SKIC2: variants seen among roughly 807,000 people sequenced by gnomAD.
SKIC2 encodes the protein SKI2 subunit of superkiller complex, also known as superkiller complex protein 2.
chr6:31,967,847 C>G, the SKIC2 span: 5 of 1,612,950 alleles, frequency 3.1e-6, no homozygotes, highest in Non-Finnish European at 3.4e-6. This position sits in a 1 kb window ranked among gnomAD's most constrained non-coding sequence, Gnocchi z 4.9. Context: ...GGGATTCAAG[C>G]TGTTCCTGCC....
At chr6:31,959,617 C>T in the SKIC2 span, 1 of 559,738 alleles carries the variant, frequency 1.8e-6, no homozygotes, top group East Asian at 3.0e-5. Context: ...GAGAGCTGCT[C>T]TTTCAAATGT....
the SKIC2 span, chr6:31,960,748 G>A: frequency 6.5e-7 from 1 of 1,546,032 alleles, no homozygotes; most frequent in Non-Finnish European, 8.7e-7. Flanking sequence ...AAGGTAAGGT[G>A]GGGCTCTGAG....
At chr6:31,969,090 G>A in the SKIC2 span, 2 of 1,609,614 alleles carry the variant, frequency 1.2e-6, no homozygotes, top group South Asian at 1.1e-5. The surrounding 1 kb of genome is among the most constrained non-coding windows in gnomAD (Gnocchi z 6.1). Flanking sequence ...CCTCAAGCAG[G>A]TAGGGGACAC....
chr6:31,963,382 C>T, the SKIC2 span: 1 of 1,519,938 alleles, frequency 6.6e-7, no homozygotes, highest in Non-Finnish European at 8.8e-7. This position sits in a 1 kb window ranked among gnomAD's most constrained non-coding sequence, Gnocchi z 5.3. Context: ...CACGTTCCCA[C>T]CCCTGACCTG....
the SKIC2 span, chr6:31,968,543 G>A: frequency 6.2e-7 from 1 of 1,608,704 alleles, no homozygotes; most frequent in Non-Finnish European, 8.5e-7. This position sits in a 1 kb window ranked among gnomAD's most constrained non-coding sequence, Gnocchi z 6.1. Flanking sequence ...GCCCAGGTAG[G>A]ACCCTGGGTG....
At chr6:31,968,206 C>T in the SKIC2 span, 1 of 1,465,872 alleles carries the variant, frequency 6.8e-7, no homozygotes, top group Non-Finnish European at 9.4e-7. The surrounding 1 kb of genome is among the most constrained non-coding windows in gnomAD (Gnocchi z 6.1). Flanking sequence ...AGTGAGGGGG[C>T]TCCCCCAGCC....
At chr6:31,960,403 C>T in the SKIC2 span, 1 of 1,597,298 alleles carries the variant, frequency 6.3e-7, no homozygotes, top group East Asian at 2.2e-5. Context: ...CAAGCTCAGC[C>T]TCATTGGGGC....
the SKIC2 span, among the ~76,000 whole-genome samples, chr6:31,964,853 C>CT: frequency 6.6e-6 from 1 of 152,200 alleles, no homozygotes; most frequent in Non-Finnish European, 1.5e-5. The surrounding 1 kb of genome is among the most constrained non-coding windows in gnomAD (Gnocchi z 5.0). Flanking sequence ...GGCATGGTGG[C>CT]TCACACCTGT....
chr6:31,964,260 G>A, the SKIC2 span: 11 of 1,612,942 alleles, frequency 6.8e-6, no homozygotes, highest in African/African-American at 1.3e-5. This position sits in a 1 kb window ranked among gnomAD's most constrained non-coding sequence, Gnocchi z 5.0. Flanking sequence ...CTCCTGAATC[G>A]CGGCCTGGGT....
chr6:31,961,444 GC>G, the SKIC2 span: 2 of 1,529,484 alleles, frequency 1.3e-6, no homozygotes, highest in Non-Finnish European at 8.8e-7. Flanking sequence ...ATGTGGGCTG[GC>G]TAGGATGGGT....
chr6:31,960,553 C>G, the SKIC2 span: 1 of 1,603,806 alleles, frequency 6.2e-7, no homozygotes, highest in South Asian at 1.1e-5. Flanking sequence ...CCAGGTGACT[C>G]TTGTGGAGAT....
chr6:31,965,246 T>C, the SKIC2 span, among the ~76,000 whole-genome samples: 3 of 152,212 alleles, frequency 2.0e-5, no homozygotes, highest in Non-Finnish European at 4.4e-5. This position sits in a 1 kb window ranked among gnomAD's most constrained non-coding sequence, Gnocchi z 5.6. Context: ...CCATCCTTTG[T>C]TTGTGGTGGC....
At chr6:31,969,346 C>A in the SKIC2 span, 15 of 1,614,218 alleles carry the variant, frequency 9.3e-6, no homozygotes, top group Non-Finnish European at 1.3e-5. This position sits in a 1 kb window ranked among gnomAD's most constrained non-coding sequence, Gnocchi z 6.1. Context: ...TGGCCTGAAC[C>A]AGACGGTGGA....
the SKIC2 span, chr6:31,969,278 A>G: frequency 1.9e-6 from 3 of 1,613,946 alleles, no homozygotes; most frequent in South Asian, 2.2e-5. This position sits in a 1 kb window ranked among gnomAD's most constrained non-coding sequence, Gnocchi z 6.1. Flanking sequence ...TCTTTCCTGC[A>G]GGGAATAGAA....
chr6:31,962,624 G>A, the SKIC2 span: 1 of 1,609,338 alleles, frequency 6.2e-7, no homozygotes, highest in East Asian at 2.2e-5. This position sits in a 1 kb window ranked among gnomAD's most constrained non-coding sequence, Gnocchi z 5.0. Context: ...GTTTTGGCTG[G>A]GAAGATGTGG....
chr6:31,962,756 G>C, the SKIC2 span: 2 of 1,612,796 alleles, frequency 1.2e-6, no homozygotes, highest in African/African-American at 2.7e-5. The surrounding 1 kb of genome is among the most constrained non-coding windows in gnomAD (Gnocchi z 5.0). Flanking sequence ...GGGACCTGGA[G>C]TGGGTCATCT....
chr6:31,969,199 G>A, the SKIC2 span: 4 of 1,577,604 alleles, frequency 2.5e-6, no homozygotes, highest in Non-Finnish European at 3.5e-6. This position sits in a 1 kb window ranked among gnomAD's most constrained non-coding sequence, Gnocchi z 6.1. Context: ...CCCAAGGATG[G>A]AAAATGGCTG....
the SKIC2 span, chr6:31,963,154 G>T: frequency 8.5e-7 from 1 of 1,179,908 alleles, no homozygotes; most frequent in Non-Finnish European, 1.3e-6. This position sits in a 1 kb window ranked among gnomAD's most constrained non-coding sequence, Gnocchi z 5.3. Flanking sequence ...ATTCGGGTGG[G>T]GGACTAAGTC....
chr6:31,968,013 C>G, the SKIC2 span: 14 of 1,612,972 alleles, frequency 8.7e-6, no homozygotes, highest in Non-Finnish European at 1.2e-5. This position sits in a 1 kb window ranked among gnomAD's most constrained non-coding sequence, Gnocchi z 6.1. Flanking sequence ...GCCATCACCA[C>G]CAAGGTGCTC....
Sources: gnomAD v4.1 joint callset for allele counts (sites outside exome capture counted in the v4.1 genomes callset) on GRCh38, gnomAD v4.1.1 for gene constraint, Gnocchi (gnomAD v3.1) non-coding constraint, MANE v1.5 for transcripts, NCBI Gene and HGNC (gene_info 2026-07-23, HGNC 2026-07-21) for gene names.